The following MACROD2 variants were observed in gnomAD, a reference collection of about 807,000 sequenced individuals.
The protein encoded by MACROD2 is ADP-ribose glycohydrolase MACROD2.
A neutral mutation model predicts 70.4 loss-of-function variants in MACROD2; 36 were observed. That is an observed-to-expected ratio of 0.51 (90% CI 0.39 to 0.68). MACROD2 has a LOEUF of 0.68. Ranked by LOEUF, MACROD2 falls within the 30% of genes least tolerant of loss-of-function variation. MACROD2 has a pLI of 0.00. For synonymous variants in MACROD2, 172 were observed against 178.8 expected, an observed-to-expected ratio of 0.96 and a Z score of 0.30; for missense variants, 496 against 538.4, an observed-to-expected ratio of 0.92 and a Z score of 0.78.
chr20:14,686,694 G>A (rs951138814), intron 5 of MACROD2, among the ~76,000 whole-genome samples: 1 of 152,008 alleles, frequency 6.6e-6, no homozygotes, highest in African/African-American at 2.4e-5. Flanking sequence ...ATACCATCTC[G>A]GTTTGTGTAA....
chr20:14,577,855 A>G (rs1247694992), intron 4 of MACROD2, among the ~76,000 whole-genome samples: 2 of 151,784 alleles, frequency 1.3e-5, no homozygotes, highest in Non-Finnish European at 2.9e-5. Flanking sequence ...TGTAAGAAAT[A>G]TCTGCTTCAA....
chr20:14,722,563 A>T (rs974988116), intron 5 of MACROD2, among the ~76,000 whole-genome samples: 1 of 152,194 alleles, frequency 6.6e-6, no homozygotes, highest in African/African-American at 2.4e-5. Flanking sequence ...TGCTTTTCAC[A>T]TAGTAAGCAG....
intron 10 of MACROD2, among the ~76,000 whole-genome samples, chr20:15,911,920 C>G (rs1424808418): frequency 2.0e-5 from 3 of 152,162 alleles, no homozygotes; most frequent in South Asian, 4.1e-4. Context: ...GCAGGAGAAT[C>G]GCTTGAACCC....
chr20:14,486,213 C>CT (rs1301897731), intron 3 of MACROD2, among the ~76,000 whole-genome samples: 7 of 152,086 alleles, frequency 4.6e-5, no homozygotes, highest in Admixed American at 2.6e-4. Context: ...GATGTCAGAA[C>CT]CCAGAAAAAG....
At chr20:15,610,991 CTTTTTTTTTTTT>C (rs34495725) in intron 8 of MACROD2, among the ~76,000 whole-genome samples, 9 of 60,116 alleles carry the variant, frequency 1.5e-4, no homozygotes, top group African/African-American at 3.7e-4. Flanking sequence ...AGCCAAAAAT[CTTTTTTTTTTTT>C]TTTTTTTTTT....
intron 5 of MACROD2, among the ~76,000 whole-genome samples, chr20:14,864,668 G>C (rs902259560): frequency 1.4e-4 from 22 of 152,172 alleles, no homozygotes; most frequent in African/African-American, 4.8e-4. Flanking sequence ...TTGTAGGCCA[G>C]CTCCATGAGA....
chr20:15,222,260 AT>A (rs2076868517), intron 5 of MACROD2, among the ~76,000 whole-genome samples: 1 of 152,214 alleles, frequency 6.6e-6, no homozygotes, highest in Admixed American at 6.5e-5. Flanking sequence ...TTTCAATGAT[AT>A]CTTCGGCAGA....
chr20:14,969,117 C>T (rs7264266), intron 5 of MACROD2, among the ~76,000 whole-genome samples: 19,026 of 151,486 alleles, frequency 0.13, 1,473 homozygotes, highest in East Asian at 0.33. Context: ...ACTACTCATT[C>T]AGCCAGAAAA....
At chr20:15,161,512 T>C (rs1412690715) in intron 5 of MACROD2, among the ~76,000 whole-genome samples, 1 of 151,906 alleles carries the variant, frequency 6.6e-6, no homozygotes, top group African/African-American at 2.4e-5. Context: ...TCTCATAATA[T>C]TTGTACATAC....
intron 2 of MACROD2, among the ~76,000 whole-genome samples, chr20:14,036,342 G>A (rs1311192588): frequency 6.6e-6 from 1 of 152,164 alleles, no homozygotes; most frequent in African/African-American, 2.4e-5. Context: ...TTTGCTTAGT[G>A]TACTTGAACT....
At chr20:14,244,424 G>A (rs1056482881) in intron 3 of MACROD2, among the ~76,000 whole-genome samples, 3 of 152,122 alleles carry the variant, frequency 2.0e-5, no homozygotes, top group Non-Finnish European at 4.4e-5. Context: ...AGCAAAAGAG[G>A]TGTCATGAAG....
In MACROD2 at chr20:14,298,235, A is replaced by G. The variant is rs190687475; in HGVS notation, c.272-195244A>G. Among the ~76,000 whole-genome samples the G allele has an allele frequency of 1.2e-3, 178 of 152,004 alleles. 5 individuals carry two copies. Among genetic ancestry groups the G allele is most frequent in the Non-Finnish European group, 1.1e-3 (72 of 67,978 alleles). ...TAATACAACATCCATTCTGCAGTCTATGTATCAAGGAGTAATTTCTAGTCT... is the reference window on the plus strand; with the variant it reads ...TAATACAACATCCATTCTGCAGTCTGTGTATCAAGGAGTAATTTCTAGTCT... On this transcript the variant is annotated intron_variant, in intron 3 of 17. Coordinates refer to ENST00000684519, the MANE Select transcript of MACROD2 (RefSeq NM_001351661.2).
intron 5 of MACROD2, among the ~76,000 whole-genome samples, chr20:15,165,097 A>T (rs541985486): frequency 6.6e-6 from 1 of 152,286 alleles, no homozygotes; most frequent in South Asian, 2.1e-4. Context: ...TATATATAAT[A>T]GGAGTGAAAA....
At chr20:14,690,921 T>G (rs998806625) in intron 5 of MACROD2, among the ~76,000 whole-genome samples, 2 of 152,286 alleles carry the variant, frequency 1.3e-5, no homozygotes, top group Non-Finnish European at 2.9e-5. Context: ...TATTTTTATT[T>G]TTTTCTCCCT....
chr20:14,781,275 A>C (rs192935568), intron 5 of MACROD2, among the ~76,000 whole-genome samples: 1 of 151,994 alleles, frequency 6.6e-6, no homozygotes, highest in East Asian at 1.9e-4. Context: ...GTAACTTTTC[A>C]TGGAAATCTT....
intron 8 of MACROD2, among the ~76,000 whole-genome samples, chr20:15,724,515 G>A (rs893132443): frequency 6.6e-6 from 1 of 151,432 alleles, no homozygotes; most frequent in African/African-American, 2.4e-5. Context: ...ATGTCCAGTT[G>A]CTCCAGAACC....
chr20:16,032,792 AAGGGAGGG>A (rs149529114), intron 15 of MACROD2, among the ~76,000 whole-genome samples: 7 of 131,176 alleles, frequency 5.3e-5, no homozygotes, highest in Non-Finnish European at 1.6e-5. Flanking sequence ...GAAGGGCAGG[AAGGGAGGG>A]AGGGAGGGAA....
At chr20:15,451,133 G>A (rs1053589624) in intron 7 of MACROD2, among the ~76,000 whole-genome samples, 1 of 152,196 alleles carries the variant, frequency 6.6e-6, no homozygotes. Context: ...TTGGAAGTCA[G>A]AGGAAGAAAG....
rs770350860 is a variant in MACROD2 at position 14,487,771 on chromosome 20, A to G, written c.272-5708A>G. Among the ~76,000 whole-genome samples, 192 of 152,268 alleles carry G rather than the reference A, an allele frequency of 1.3e-3. 1 individual carries two copies. The highest frequency in any genetic ancestry group is 2.6e-3 in the Non-Finnish European group (174 of 68,016). ...CATCGTATGGATTTCCACTAGCCCC[A>G]AGTCCTTTTCATTTGAGGTCATTTG... On this transcript the variant is annotated intron_variant, in intron 3 of 17. Transcript: ENST00000684519.
Sources: allele counts gnomAD v4.1 joint callset (sites outside exome capture counted in the v4.1 genomes callset), GRCh38; gene constraint gnomAD v4.1.1; transcripts MANE v1.5; gene names NCBI Gene and HGNC (gene_info 2026-07-23, HGNC 2026-07-21).